Variants in WWOX observed in about 807,000 individuals in gnomAD.
WWOX encodes WW domain-containing oxidoreductase.
A neutral mutation model predicts 46.2 loss-of-function variants in WWOX; 69 were observed. The ratio of observed to expected loss-of-function variants is 1.49; its 90% CI spans 1.23 to 1.82. WWOX has a LOEUF of 1.82. Ranked by LOEUF, WWOX falls within the 40% of genes most tolerant of loss-of-function variation. WWOX has a pLI of 0.00. For missense variants in WWOX, 919 were observed against 542.6 expected (o/e 1.69, Z -6.89); for synonymous variants, 359 against 202.6 (o/e 1.77, Z -6.56).
intron 8 of WWOX, among the ~76,000 whole-genome samples, chr16:78,692,873 A>G (rs899233236): frequency 2.6e-5 from 4 of 152,228 alleles, no homozygotes; most frequent in African/African-American, 7.2e-5. Flanking sequence ...CATGTTGTTT[A>G]TAGTAAAAAC....
At chr16:78,649,207 A>G (rs1234907946) in intron 8 of WWOX, among the ~76,000 whole-genome samples, 3 of 151,860 alleles carry the variant, frequency 2.0e-5, no homozygotes, top group African/African-American at 4.8e-5. Flanking sequence ...CTGGTCTCAA[A>G]CTCTGGACCT....
At chr16:79,111,745 G>GGCTCA (rs371281002) in intron 8 of WWOX, among the ~76,000 whole-genome samples, 47 of 152,220 alleles carry the variant, frequency 3.1e-4, no homozygotes, top group Admixed American at 5.9e-4. Context: ...AAAGTATTTA[G>GGCTCA]GCTCATCATA....
rs560270440 is a variant in WWOX, at chr16:78,381,110, G to A, written c.517-5750G>A. Among the ~76,000 whole-genome samples, 53 of 152,268 alleles carry A rather than the reference G, an allele frequency of 3.5e-4. No homozygotes were observed. In the South Asian group the frequency reaches 0.011, roughly 30 times the overall value. ...GTAGTTCCAGGGCAGCCTGGCTCTG[G>A]TGTCTTTGCTGCAATGACAATATCT... is the stretch of plus-strand genomic sequence containing the variant. On this transcript the variant is annotated intron_variant, in intron 5 of 8. Coordinates refer to ENST00000566780, the MANE Select transcript of WWOX (RefSeq NM_016373.4).
At chr16:78,722,728 A>C (rs1162037974) in intron 8 of WWOX, among the ~76,000 whole-genome samples, 2 of 147,718 alleles carry the variant, frequency 1.4e-5, no homozygotes, top group Non-Finnish European at 1.5e-5. Context: ...TTTTCCTCTA[A>C]ATAAACAAAG....
chr16:78,589,272 T>C (rs75259821), intron 8 of WWOX, among the ~76,000 whole-genome samples: 5,317 of 152,232 alleles, frequency 0.035, 129 homozygotes, highest in Middle Eastern at 0.068. Context: ...CAAAACAAAA[T>C]AGAAAAGCAC....
intron 8 of WWOX, among the ~76,000 whole-genome samples, chr16:78,877,382 T>C (rs970672630): frequency 9.2e-5 from 14 of 152,016 alleles, no homozygotes; most frequent in African/African-American, 3.1e-4. Context: ...TGTTCCTGTC[T>C]CAGACGCTTT....
chr16:78,687,159 T>A (rs766407986), intron 8 of WWOX, among the ~76,000 whole-genome samples: 1 of 152,192 alleles, frequency 6.6e-6, no homozygotes, highest in Non-Finnish European at 1.5e-5. Flanking sequence ...AAATTAGCAG[T>A]GTTTCATATT....
intron 8 of WWOX, among the ~76,000 whole-genome samples, chr16:78,605,624 A>G (rs2045738159): frequency 6.6e-6 from 1 of 152,210 alleles, no homozygotes; most frequent in Admixed American, 6.5e-5. Flanking sequence ...CAAATGTTAA[A>G]ATTTCTTTAT....
At chr16:78,686,105 C>G (rs904748395) in intron 8 of WWOX, among the ~76,000 whole-genome samples, 3 of 152,200 alleles carry the variant, frequency 2.0e-5, no homozygotes, top group African/African-American at 7.2e-5. Flanking sequence ...GACATTCATA[C>G]AGTCAGGACC....
intron 8 of WWOX, among the ~76,000 whole-genome samples, chr16:78,740,456 A>C (rs550295096): frequency 1.3e-5 from 2 of 152,186 alleles, no homozygotes; most frequent in East Asian, 3.9e-4. Flanking sequence ...TGCGGAAGGG[A>C]GGGAAGGCAG....
chr16:78,336,538 C>T (rs1318557752), intron 5 of WWOX, among the ~76,000 whole-genome samples: 2 of 142,552 alleles, frequency 1.4e-5, no homozygotes, highest in East Asian at 2.1e-4. Flanking sequence ...CTACAGTTGA[C>T]AGGCAGATAA....
At chr16:78,581,354 C>T in intron 8 of WWOX, among the ~76,000 whole-genome samples, 1 of 152,144 alleles carries the variant, frequency 6.6e-6, no homozygotes, top group Non-Finnish European at 1.5e-5. Flanking sequence ...AATTCAATTG[C>T]TGTACCCTTT....
At chr16:78,691,599 C>T (rs2142266799) in intron 8 of WWOX, among the ~76,000 whole-genome samples, 1 of 152,218 alleles carries the variant, frequency 6.6e-6, no homozygotes, top group East Asian at 1.9e-4. Flanking sequence ...TCCCAGCTAA[C>T]TGGGAGTCTG....
At chr16:78,261,788 C>CTATCTATA (rs1555510660) in intron 5 of WWOX, among the ~76,000 whole-genome samples, 5 of 73,746 alleles carry the variant, frequency 6.8e-5, no homozygotes, top group African/African-American at 1.1e-4. Flanking sequence ...ATCTATCTAT[C>CTATCTATA]TATATATATA....
At chr16:78,826,418 T>C (rs1420719884) in intron 8 of WWOX, among the ~76,000 whole-genome samples, 2 of 152,220 alleles carry the variant, frequency 1.3e-5, no homozygotes, top group African/African-American at 4.8e-5. Context: ...GGCAGGGCTA[T>C]ACTTACTTTG....
chr16:78,906,148 C>G (rs1408368951), intron 8 of WWOX, among the ~76,000 whole-genome samples: 1 of 152,140 alleles, frequency 6.6e-6, no homozygotes, highest in Non-Finnish European at 1.5e-5. Context: ...ACCCAAAATC[C>G]TCAGCGAAAC....
intron 8 of WWOX, among the ~76,000 whole-genome samples, chr16:79,057,071 G>A (rs1198550164): frequency 2.6e-5 from 4 of 152,170 alleles, no homozygotes; most frequent in Non-Finnish European, 5.9e-5. Context: ...TGCCGCCATG[G>A]GCCTGAATTG....
chr16:78,287,440 T>G (rs2079787452), intron 5 of WWOX, among the ~76,000 whole-genome samples: 1 of 152,210 alleles, frequency 6.6e-6, no homozygotes, highest in Non-Finnish European at 1.5e-5. Context: ...AAAATATCTA[T>G]AATTTTGACC....
intron 8 of WWOX, among the ~76,000 whole-genome samples, chr16:78,720,136 A>G (rs1002521343): frequency 1.3e-5 from 2 of 152,182 alleles, no homozygotes; most frequent in Non-Finnish European, 2.9e-5. Flanking sequence ...TACTGACAAT[A>G]TTCCTTCTTG....
Sources: allele counts gnomAD v4.1 joint callset (sites outside exome capture counted in the v4.1 genomes callset), GRCh38; gene constraint gnomAD v4.1.1; transcripts MANE v1.5; gene names NCBI Gene and HGNC (gene_info 2026-07-23, HGNC 2026-07-21).